Variants in PSAP observed in about 807,000 individuals in gnomAD.
PSAP encodes the protein precursor of saposins.
In PSAP, 25 loss-of-function variants were observed where a neutral mutation model predicts 66.0. That is an observed-to-expected ratio of 0.38 (90% CI 0.28 to 0.53). The LOEUF is 0.53. PSAP is among the 20% of genes least tolerant of loss of function. The probability of loss-of-function intolerance (pLI) is 0.83; values close to 1 mark genes in which losing one functional copy is unlikely to be tolerated. For synonymous variants in PSAP, 273 were observed against 258.9 expected, an observed-to-expected ratio of 1.05 and a Z score of -0.52; for missense variants, 649 against 668.8, an observed-to-expected ratio of 0.97 and a Z score of 0.33.
At chr10:71,847,869 C>A (rs1042900040) in intron 1 of PSAP, among the ~76,000 whole-genome samples, 1 of 152,180 alleles carries the variant, frequency 6.6e-6, no homozygotes, top group Non-Finnish European at 1.5e-5. Flanking sequence ...TATAAATTCA[C>A]ATGTTATTGA....
intron 2 of PSAP, among the ~76,000 whole-genome samples, chr10:71,832,212 CCT>C (rs918740044): frequency 5.3e-5 from 8 of 152,162 alleles, no homozygotes; most frequent in Admixed American, 5.2e-4. Context: ...GCTCACAACA[CCT>C]CTGAGGAAAC....
chr10:71,822,541 G>A, intron 7 of PSAP: 1 of 471,030 alleles, frequency 2.1e-6, no homozygotes, highest in Middle Eastern at 3.3e-4. Flanking sequence ...TGCACACAGT[G>A]CACATGAAAA....
chr10:71,837,327 G>T (rs186012932), intron 1 of PSAP, among the ~76,000 whole-genome samples: 1 of 152,360 alleles, frequency 6.6e-6, no homozygotes, highest in Admixed American at 6.5e-5. Flanking sequence ...ACTGGGTGGT[G>T]CTGGGGAGCT....
intron 1 of PSAP, among the ~76,000 whole-genome samples, chr10:71,836,003 G>C (rs562770497): frequency 1.3e-5 from 2 of 152,112 alleles, no homozygotes; most frequent in East Asian, 3.9e-4. Context: ...GGAATGAACT[G>C]CTTTCTTTCA....
chr10:71,841,308 C>T (rs928408092), intron 1 of PSAP, among the ~76,000 whole-genome samples: 6 of 152,246 alleles, frequency 3.9e-5, no homozygotes, highest in African/African-American at 1.2e-4. Flanking sequence ...AGGTTTCATG[C>T]AAACCTCATT....
intron 1 of PSAP, among the ~76,000 whole-genome samples, chr10:71,843,000 T>C (rs1261670312): frequency 2.0e-5 from 3 of 152,172 alleles, no homozygotes; most frequent in Non-Finnish European, 2.9e-5. Context: ...GCACCTGTTA[T>C]GTGCCAAAAC....
Position 71,830,593 on chromosome 10 carries a change from C to A in PSAP, c.375+533G>T, listed in dbSNP as rs112231049. ...CCTGTCTTGGGAAAGTCCTGCCCCA[C>A]TGGCCCTCTTCAGTTACTTAAACAC... On this transcript the variant is annotated intron_variant, in intron 4 of 13. Transcript: ENST00000394936. 2.9e-3 allele frequency among the ~76,000 whole-genome samples: 442 copies of A among 152,368 alleles called. 1 individual carries two copies. In the Middle Eastern group the frequency reaches 0.034, roughly 12 times the overall value.
intron 7 of PSAP, among the ~76,000 whole-genome samples, chr10:71,823,710 G>A (rs1325446070): frequency 6.6e-6 from 1 of 151,910 alleles, no homozygotes; most frequent in Non-Finnish European, 1.5e-5. Flanking sequence ...CTCAAGGGCT[G>A]AATTACAGGG....
chr10:71,819,389 C>G, intron 11 of PSAP, 76 bp downstream of exon 11: 1 of 1,586,380 alleles, frequency 6.3e-7, no homozygotes, highest in Middle Eastern at 2.0e-4. Context: ...GGTTTTCCAT[C>G]AAAATGTACC....
At chr10:71,846,850 G>A (rs1029048390) in intron 1 of PSAP, among the ~76,000 whole-genome samples, 1 of 151,700 alleles carries the variant, frequency 6.6e-6, no homozygotes. Context: ...CCAAAAAGGA[G>A]CCAGAAAGCA....
chr10:71,826,015 G>A (rs1298443108), intron 6 of PSAP, 122 bp from the exon 7 acceptor site: 4 of 830,444 alleles, frequency 4.8e-6, no homozygotes, highest in Non-Finnish European at 8.1e-6. Context: ...AGTTTCTAAA[G>A]TAGAATTTTA....
At chr10:71,835,005 G>T (rs1183386276) in intron 1 of PSAP, among the ~76,000 whole-genome samples, 1 of 152,048 alleles carries the variant, frequency 6.6e-6, no homozygotes, top group Non-Finnish European at 1.5e-5. Flanking sequence ...GGGAGGCCAA[G>T]GTGGGTGGAT....
In PSAP at chr10:71,825,684, GGA is replaced by G. The variant is rs774231663; in HGVS notation, c.777+151_777+152del. Reference sequence around the variant, plus strand: ...CAGGGGAGGTACTGAGATTGCAAGTGGAGAGTCTCCTAGCCAGAGGGGTCGAT... The same window carrying G: ...CAGGGGAGGTACTGAGATTGCAAGTGGAGTCTCCTAGCCAGAGGGGTCGAT... On this transcript the variant is annotated intron_variant, in intron 7 of 13. Transcript: ENST00000394936. 8 of 733,936 alleles carry G rather than the reference GGA, an allele frequency of 1.1e-5. No homozygotes were observed. In the South Asian group the frequency reaches 1.2e-4, roughly 11 times the overall value. 45.5% of individuals were successfully genotyped at this position (733,936 alleles called of 1,614,324 possible).
At chr10:71,845,576 G>A (rs1232209503) in intron 1 of PSAP, among the ~76,000 whole-genome samples, 1 of 152,198 alleles carries the variant, frequency 6.6e-6, no homozygotes, top group South Asian at 2.1e-4. Flanking sequence ...AGGGCCTGGG[G>A]ACAGCAGTGG....
intron 7 of PSAP, chr10:71,822,772 C>CA: frequency 2.7e-6 from 1 of 366,708 alleles, no homozygotes; most frequent in South Asian, 2.2e-5. Context: ...CTTCCAGCAC[C>CA]AAACCCTAAA....
At chr10:71,823,816 C>CAA (rs56911723) in intron 7 of PSAP, 33,129 of 955,176 alleles carry the variant, frequency 0.035, 2 homozygotes, top group Non-Finnish European at 0.04. Flanking sequence ...ATGCCATACC[C>CAA]AAAAAAAAAA....
intron 1 of PSAP, among the ~76,000 whole-genome samples, chr10:71,848,538 G>A (rs1217238542): frequency 1.3e-5 from 2 of 152,072 alleles, no homozygotes; most frequent in Admixed American, 6.5e-5. Context: ...TTTAGGTGGG[G>A]AAAAAGGAGG....
intron 12 of PSAP, 30 bp downstream of exon 12, chr10:71,819,001 G>A (rs377309956): frequency 1.5e-5 from 24 of 1,600,720 alleles, no homozygotes; most frequent in East Asian, 2.2e-5. Flanking sequence ...ACAGCTGCCC[G>A]AGAGGACCAC....
intron 8 of PSAP, 101 bp from the exon 9 acceptor site, chr10:71,820,436 G>T: frequency 1.1e-6 from 1 of 914,072 alleles, no homozygotes; most frequent in Non-Finnish European, 1.8e-6. Context: ...GGGTGGGTTA[G>T]CACATCAAGG....
Sources: gnomAD v4.1 joint callset for allele counts (sites outside exome capture counted in the v4.1 genomes callset) on GRCh38, gnomAD v4.1.1 for gene constraint, MANE v1.5 for transcripts, NCBI Gene and HGNC (gene_info 2026-07-23, HGNC 2026-07-21) for gene names.